NRXN3: variants seen among roughly 807,000 people sequenced by gnomAD.
NRXN3 encodes neurexin 3.
Under a neutral mutation model 137.6 loss-of-function variants are expected in NRXN3, and 32 were observed. The ratio of observed to expected loss-of-function variants is 0.23; its 90% CI spans 0.18 to 0.31. The LOEUF is 0.31. Among genes scored for constraint, NRXN3 ranks in the 10% least tolerant of loss-of-function variants. The probability of loss-of-function intolerance (pLI) is 1.00; values close to 1 mark genes in which losing one functional copy is unlikely to be tolerated. For missense variants in NRXN3, 1,574 were observed against 2,062.5 expected, an observed-to-expected ratio of 0.76 and a Z score of 4.59; for synonymous variants, 798 against 784.5, an observed-to-expected ratio of 1.02 and a Z score of -0.29.
intron 10 of NRXN3, among the ~76,000 whole-genome samples, chr14:78,908,495 C>G (rs1405203215): frequency 6.6e-6 from 1 of 152,004 alleles, no homozygotes; most frequent in East Asian, 1.9e-4. Flanking sequence ...ACTGTCAAAT[C>G]TGTTCTCATA....
intron 19 of NRXN3, among the ~76,000 whole-genome samples, chr14:79,754,823 T>G (rs1171940006): frequency 6.6e-6 from 1 of 151,928 alleles, no homozygotes; most frequent in African/African-American, 2.4e-5. Context: ...TTCCGCATGC[T>G]GTTCTTGTGG....
At chr14:78,913,726 T>C (rs897362761) in intron 10 of NRXN3, among the ~76,000 whole-genome samples, 1 of 152,130 alleles carries the variant, frequency 6.6e-6, no homozygotes, top group Admixed American at 6.6e-5. Flanking sequence ...AAATCTTTTG[T>C]TTAAAAGAAA....
At chr14:78,573,433 A>C (rs1000923709) in intron 4 of NRXN3, among the ~76,000 whole-genome samples, 1 of 152,240 alleles carries the variant, frequency 6.6e-6, no homozygotes, top group Admixed American at 6.5e-5. Flanking sequence ...TTTGACCAGA[A>C]TGCTAATAGT....
At chr14:79,037,470 C>T (rs1357005680) in intron 15 of NRXN3, among the ~76,000 whole-genome samples, 1 of 151,994 alleles carries the variant, frequency 6.6e-6, no homozygotes, top group Non-Finnish European at 1.5e-5. Context: ...CAATTAGAAG[C>T]AAAATAAAAG....
chr14:78,741,547 C>A (rs569977435), intron 8 of NRXN3, among the ~76,000 whole-genome samples: 1 of 152,120 alleles, frequency 6.6e-6, no homozygotes, highest in Non-Finnish European at 1.5e-5. Context: ...AAAAGCAGAA[C>A]CTATTTAATG....
rs1038491957 is a variant in NRXN3 at position 79,741,378 on chromosome 14, A to G, written c.4014+43441A>G. On this transcript the variant is annotated intron_variant, in intron 19 of 20. Transcript: ENST00000335750. ...ATGAAAGGTGTTATTAATAGAATTC[A>G]GCATTATTCTAATTTCCTCTTAAAA... is the stretch of plus-strand genomic sequence containing the variant. 2.6e-5 allele frequency among the ~76,000 whole-genome samples: 4 copies of G among 152,286 alleles called. No homozygotes were observed. The East Asian group carries it at 5.8e-4, about 22-fold the overall frequency.
At chr14:79,858,682 T>C (rs2099407962) in intron 20 of NRXN3, among the ~76,000 whole-genome samples, 1 of 152,208 alleles carries the variant, frequency 6.6e-6, no homozygotes, top group Non-Finnish European at 1.5e-5. Flanking sequence ...TAAGTAAAAC[T>C]GTGCCTGAGA....
chr14:78,383,913 T>A (rs2089550511), intron 4 of NRXN3, among the ~76,000 whole-genome samples: 1 of 152,196 alleles, frequency 6.6e-6, no homozygotes, highest in Admixed American at 6.5e-5. Flanking sequence ...AGCAGTACCT[T>A]TTTCCCAACT....
intron 1 of NRXN3, among the ~76,000 whole-genome samples, chr14:78,207,417 G>T (rs1461604156): frequency 6.6e-6 from 1 of 152,106 alleles, no homozygotes; most frequent in Non-Finnish European, 1.5e-5. Flanking sequence ...GATACCTCTA[G>T]CCTTGAACTC....
At position 78,879,732 on chromosome 14, in the gene NRXN3, C is replaced by T. The variant is rs74067157; in HGVS notation, c.2275+69388C>T. On this transcript the variant is annotated intron_variant, in intron 10 of 20. Coordinates refer to ENST00000335750, the MANE Select transcript of NRXN3 (RefSeq NM_001330195.2). ...TACACCTCCTTGCACTAGACACACT[C>T]ATTTACAAACTCTATACTTCTACTG... Among the ~76,000 whole-genome samples the T allele has an allele frequency of 6.4e-3, 978 of 152,298 alleles. 13 individuals carry two copies. Among genetic ancestry groups the T allele is most frequent in the African/African-American group, 0.022 (913 of 41,562 alleles).
chr14:78,801,441 T>G (rs1225604416), intron 8 of NRXN3, among the ~76,000 whole-genome samples: 1 of 152,206 alleles, frequency 6.6e-6, no homozygotes, highest in Non-Finnish European at 1.5e-5. Context: ...AAAGGGAAGC[T>G]GGCATCTTTT....
chr14:79,227,685 G>A (rs2071201551), intron 15 of NRXN3, among the ~76,000 whole-genome samples: 1 of 151,838 alleles, frequency 6.6e-6, no homozygotes, highest in South Asian at 2.1e-4. Context: ...GTGCCTCTCT[G>A]CTTTCTTTTC....
At chr14:78,435,513 T>C (rs1315605745) in intron 4 of NRXN3, among the ~76,000 whole-genome samples, 1 of 152,178 alleles carries the variant, frequency 6.6e-6, no homozygotes, top group Non-Finnish European at 1.5e-5. Context: ...CTTCTGAAAG[T>C]TGGCAATTTT....
intron 15 of NRXN3, among the ~76,000 whole-genome samples, chr14:79,353,676 T>C (rs1302924343): frequency 2.0e-5 from 3 of 152,204 alleles, no homozygotes; most frequent in Non-Finnish European, 4.4e-5. Context: ...AACTACTATA[T>C]GCCTGACATA....
At chr14:78,675,645 A>G (rs796964559) in intron 6 of NRXN3, among the ~76,000 whole-genome samples, 6 of 152,348 alleles carry the variant, frequency 3.9e-5, no homozygotes, top group African/African-American at 1.4e-4. Flanking sequence ...ATGCCAGCTC[A>G]GACAGATTGG....
At chr14:79,677,261 A>T (rs1408214074) in intron 17 of NRXN3, among the ~76,000 whole-genome samples, 1 of 152,076 alleles carries the variant, frequency 6.6e-6, no homozygotes, top group Non-Finnish European at 1.5e-5. Flanking sequence ...TAGGAGGAAG[A>T]TTTCAGTATC....
Position 79,689,874 on chromosome 14 carries a change from G to GA in NRXN3, c.3617-2299_3617-2298insA, listed in dbSNP as rs1467523668. Among the ~76,000 whole-genome samples, 19 of 152,234 alleles carry GA rather than the reference G, an allele frequency of 1.2e-4. No homozygotes were observed. The East Asian group carries it at 3.7e-3, about 29-fold the overall frequency. ...TTAATACAGCTTCTTAATTAATTTGGTGTATATTAAATTCTAGAAATTTGG... is the reference window on the plus strand; with the variant it reads ...TTAATACAGCTTCTTAATTAATTTGGATGTATATTAAATTCTAGAAATTTGG... On this transcript the variant is annotated intron_variant, in intron 17 of 20. Coordinates refer to ENST00000335750, the MANE Select transcript of NRXN3 (RefSeq NM_001330195.2).
At chr14:78,490,070 A>G (rs1456881169) in intron 4 of NRXN3, among the ~76,000 whole-genome samples, 2 of 152,022 alleles carry the variant, frequency 1.3e-5, no homozygotes, top group African/African-American at 4.8e-5. Flanking sequence ...ACATGCCACC[A>G]TGCCTGGCTA....
At chr14:79,227,702 T>G (rs1213985451) in intron 15 of NRXN3, among the ~76,000 whole-genome samples, 1 of 151,998 alleles carries the variant, frequency 6.6e-6, no homozygotes, top group Non-Finnish European at 1.5e-5. Flanking sequence ...TTTCTCTCTC[T>G]TTTTCTTTTC....
Sources: allele counts gnomAD v4.1 joint callset (sites outside exome capture counted in the v4.1 genomes callset), GRCh38; gene constraint gnomAD v4.1.1; transcripts MANE v1.5; gene names NCBI Gene and HGNC (gene_info 2026-07-23, HGNC 2026-07-21).